TM9SF4: variants seen among roughly 807,000 people sequenced by gnomAD.
TM9SF4 encodes the protein transmembrane 9 superfamily member 4, also known as dinucleotide oxidase disulfide thiol exchanger 3 superfamily member 4.
A neutral mutation model predicts 90.4 loss-of-function variants in TM9SF4; 26 were observed. That is an observed-to-expected ratio of 0.29 (90% CI 0.21 to 0.40). The LOEUF (loss-of-function observed/expected upper bound fraction) is 0.40. TM9SF4 is among the 10% of genes least tolerant of loss of function. The pLI, the probability that TM9SF4 is intolerant of heterozygous loss-of-function variation, is 1.00. For missense variants in TM9SF4, 549 were observed against 834.8 expected (o/e 0.66, Z 4.22); for synonymous variants, 293 against 315.4 (o/e 0.93, Z 0.75).
At chr20:32,131,491 T>TGTG (rs1040860394) in intron 1 of TM9SF4, among the ~76,000 whole-genome samples, 2 of 151,660 alleles carry the variant, frequency 1.3e-5, no homozygotes, top group Non-Finnish European at 2.9e-5. Context: ...AGTGTGTGTG[T>TGTG]GTGTGTGTGT....
Position 32,149,688 on chromosome 20 carries a change from C to T in TM9SF4, c.1009C>T (p.Pro337Ser), listed in dbSNP as rs199845790. ...GTTGGTGCACGGCGACGTCTTCAGG[C>T]CCCCCCAGTACCCCATGATCCTCAG... The part of the protein sequence containing the change: ...WKLVHGDVFR[P>S]PQYPMILSSL... The change falls in exon 10 of 18, where the codon CCC becomes TCC. Residue 337 changes from proline to serine, a missense_variant. By Grantham distance (74) the Pro-to-Ser change is moderately conservative. This residue lies in a region of TM9SF4 where 495 missense variants were observed against 711.7 expected (regional missense o/e 0.70). Coordinates refer to ENST00000398022, the MANE Select transcript of TM9SF4 (RefSeq NM_014742.4). The T allele has an allele frequency of 3.1e-6, 5 of 1,613,964 alleles. No individual in the cohort carries two copies. Among genetic ancestry groups the T allele is most frequent in the East Asian group, 2.2e-5 (1 of 44,886 alleles).
intron 1 of TM9SF4, among the ~76,000 whole-genome samples, chr20:32,129,119 A>T (rs6061172): frequency 0.54 from 63,869 of 118,398 alleles, 13,766 homozygotes; most frequent in East Asian, 0.8. Context: ...TTCCAAAGAT[A>T]AAAAAAAAAA....
intron 1 of TM9SF4, chr20:32,109,963 G>C: frequency 7.1e-7 from 1 of 1,412,468 alleles, no homozygotes; most frequent in African/African-American, 1.4e-5. Flanking sequence ...CCGAGTTTTG[G>C]GGGAGGCGCC....
At position 32,141,547 on chromosome 20, in the gene TM9SF4, A is replaced by G. The variant is rs751269972; in HGVS notation, c.280A>G (p.Met94Val). The change falls in exon 4 of 18, where the codon ATG (methionine) becomes GTG (valine). Residue 94 changes from methionine to valine, a missense_variant. This residue lies in a region of TM9SF4 where 495 missense variants were observed against 711.7 expected (regional missense o/e 0.70). Coordinates refer to ENST00000398022, the MANE Select transcript of TM9SF4 (RefSeq NM_014742.4). The part of the protein sequence containing the change: ...RIVNTPFQVL[M>V]NSEKKCEVLC... Reference sequence around the variant, plus strand: ...TGTCAACACCCCTTTCCAGGTTCTCATGAACAGCGAGAAGAAGTGTGAAGT... The same window carrying G: ...TGTCAACACCCCTTTCCAGGTTCTCGTGAACAGCGAGAAGAAGTGTGAAGT... The G allele has an allele frequency of 8.1e-6, 13 of 1,614,076 alleles. No individual in the cohort carries two copies. Among genetic ancestry groups the G allele is most frequent in the South Asian group, 1.1e-5 (1 of 91,072 alleles).
At chr20:32,133,341 A>G (rs140724413) in intron 2 of TM9SF4, among the ~76,000 whole-genome samples, 118 of 151,928 alleles carry the variant, frequency 7.8e-4, no homozygotes, top group South Asian at 6.5e-3. Flanking sequence ...ATGCTTGTGT[A>G]TATTTGCATC....
intron 15 of TM9SF4, 165 bp from the exon 16 acceptor site, chr20:32,159,827 C>T: frequency 1.1e-6 from 1 of 947,374 alleles, no homozygotes; most frequent in South Asian, 1.6e-5. Context: ...GACAGTGTGG[C>T]TCACCCCCTG....
chr20:32,146,987 T>C, intron 9 of TM9SF4, 132 bp downstream of exon 9: 2 of 850,992 alleles, frequency 2.4e-6, no homozygotes, highest in Non-Finnish European at 3.5e-6. Context: ...GTATACTTTT[T>C]TTTTTTTTTT....
rs544720237 is a variant in TM9SF4, at chr20:32,157,796, G to A, written c.1332G>A (p.Val444=). The A allele has an allele frequency of 2.5e-6, 4 of 1,614,078 alleles. No individual in the cohort carries two copies. Among genetic ancestry groups the A allele is most frequent in the African/African-American group, 2.7e-5 (2 of 75,050 alleles). ...GCCTCATGGTGCCATGTCTACAGGT[G>A]CCCTTTCCCACCATGGTGGCTCTGC... ...FIWGKHSSGA[V]PFPTMVALLC... The change falls in exon 14 of 18, where the codon GTG becomes GTA. Residue 444 remains valine, a splice_region_variant and synonymous_variant. Transcript: ENST00000398022.
chr20:32,129,689 A>G (rs531645820), intron 1 of TM9SF4, among the ~76,000 whole-genome samples: 6 of 151,632 alleles, frequency 4.0e-5, no homozygotes, highest in South Asian at 2.1e-4. Flanking sequence ...GGTTCAAGCA[A>G]TTCTCCTGCC....
intron 15 of TM9SF4, chr20:32,159,224 G>A (rs959202625): frequency 2.0e-5 from 3 of 152,270 alleles, no homozygotes; most frequent in Non-Finnish European, 4.4e-5. Context: ...TGTGAAGTTG[G>A]AATAAGTCAT....
chr20:32,161,167 C>T (rs931204527), intron 16 of TM9SF4, 109 bp from the exon 17 acceptor site: 3 of 815,592 alleles, frequency 3.7e-6, no homozygotes, highest in East Asian at 2.5e-5. Flanking sequence ...TCCATCACCC[C>T]ATATGTTACT....
At chr20:32,124,943 T>TTTTG (rs1467507617) in intron 1 of TM9SF4, among the ~76,000 whole-genome samples, 2 of 152,126 alleles carry the variant, frequency 1.3e-5, no homozygotes, top group African/African-American at 4.8e-5. Flanking sequence ...CTTTGCCTTG[T>TTTTG]TTTGTTTTGT....
intron 1 of TM9SF4, among the ~76,000 whole-genome samples, chr20:32,122,167 C>T (rs1234897194): frequency 7.0e-6 from 1 of 142,806 alleles, no homozygotes; most frequent in Non-Finnish European, 1.5e-5. Flanking sequence ...GTGACCCCCC[C>T]ACCTCCCTCC....
rs563346015 is a variant in TM9SF4, at chr20:32,134,131, A to T, written c.129+1005A>T. Among the ~76,000 whole-genome samples, 18 of 152,106 alleles carry T rather than the reference A, an allele frequency of 1.2e-4. 1 individual carries two copies. The South Asian group carries it at 3.7e-3, about 32-fold the overall frequency. On this transcript the variant is annotated intron_variant, in intron 2 of 17. Coordinates refer to ENST00000398022, the MANE Select transcript of TM9SF4 (RefSeq NM_014742.4). ...CACCCAGCCCAAGACCCCATCTCTT[A>T]ACCACTGCAGTACCTTCTTCCCACT... is the stretch of plus-strand genomic sequence containing the variant.
At chr20:32,129,276 T>C (rs983699787) in intron 1 of TM9SF4, among the ~76,000 whole-genome samples, 41 of 152,080 alleles carry the variant, frequency 2.7e-4, no homozygotes, top group African/African-American at 9.7e-4. Flanking sequence ...GAGGATTGCT[T>C]GAGCCCAGAA....
intron 1 of TM9SF4, among the ~76,000 whole-genome samples, chr20:32,110,201 C>G (rs1459518920): frequency 6.6e-6 from 1 of 152,256 alleles, no homozygotes; most frequent in Non-Finnish European, 1.5e-5. Flanking sequence ...TCTGACCACC[C>G]TCCCAGCCCA....
At chr20:32,121,863 G>A (rs373468064) in intron 1 of TM9SF4, among the ~76,000 whole-genome samples, 50,125 of 133,426 alleles carry the variant, frequency 0.38, 8,288 homozygotes, top group East Asian at 0.62. Flanking sequence ...CGGACGGGGC[G>A]GCTGGCCGGG....
chr20:32,119,028 T>C (rs1280696896), intron 1 of TM9SF4, among the ~76,000 whole-genome samples: 4 of 152,186 alleles, frequency 2.6e-5, no homozygotes, highest in Non-Finnish European at 5.9e-5. Flanking sequence ...ACCATAAATA[T>C]ATTCAATTTT....
intron 1 of TM9SF4, among the ~76,000 whole-genome samples, chr20:32,129,422 G>C (rs2046477596): frequency 6.6e-6 from 1 of 152,040 alleles, no homozygotes; most frequent in African/African-American, 2.4e-5. Flanking sequence ...GAGCCCAAGA[G>C]GTTGAGGCTG....
Sources: gnomAD v4.1 joint callset for allele counts (sites outside exome capture counted in the v4.1 genomes callset) on GRCh38, gnomAD v4.1.1 for gene constraint, gnomAD v4.1.1 regional missense constraint, MANE v1.5 for transcripts, NCBI Gene and HGNC (gene_info 2026-07-23, HGNC 2026-07-21) for gene names.